NECAB1: variants seen among roughly 807,000 people sequenced by gnomAD.
The protein encoded by NECAB1 is N-terminal EF-hand calcium-binding protein 1.
Under a neutral mutation model 57.5 loss-of-function variants are expected in NECAB1, and 29 were observed. That is an observed-to-expected ratio of 0.50 (90% CI 0.38 to 0.69). The LOEUF is 0.69. NECAB1 is among the 30% of genes least tolerant of loss of function. The pLI, the probability that NECAB1 is intolerant of heterozygous loss-of-function variation, is 0.00. For synonymous variants in NECAB1, 142 were observed against 147.7 expected, an observed-to-expected ratio of 0.96 and a Z score of 0.28; for missense variants, 372 against 413.8, an observed-to-expected ratio of 0.90 and a Z score of 0.88.
At chr8:90,901,560 G>C (rs916018593) in intron 5 of NECAB1, among the ~76,000 whole-genome samples, 1 of 152,226 alleles carries the variant, frequency 6.6e-6, no homozygotes, top group African/African-American at 2.4e-5. Context: ...TAGCCGAGGA[G>C]AGCTATGTGG....
chr8:90,847,092 A>T (rs1812581237), intron 3 of NECAB1, among the ~76,000 whole-genome samples: 1 of 152,250 alleles, frequency 6.6e-6, no homozygotes, highest in South Asian at 2.1e-4. Context: ...AGACAAGACA[A>T]GTCCCTTCCA....
chr8:90,907,188 G>GAGAGAGAGAGA lies in NECAB1; in HGVS notation c.358-10303_358-10302insGAGAGAGAGAA, dbSNP rs370070496. ...AGAGAGAGAGAGAGAGAGAGAGAGA[G>GAGAGAGAGAGA]AATTAGTAGACTGCATTGTTTTAGC... On this transcript the variant is annotated intron_variant, in intron 5 of 12. Coordinates refer to ENST00000417640, the MANE Select transcript of NECAB1 (RefSeq NM_022351.5). 5.6e-3 allele frequency among the ~76,000 whole-genome samples: 801 copies of GAGAGAGAGAGA among 142,292 alleles called. 9 individuals carry two copies. Among genetic ancestry groups the GAGAGAGAGAGA allele is most frequent in the African/African-American group, 0.02 (701 of 34,490 alleles). The allele number at this position is 142,292 out of a possible 152,430, so 93.3% of individuals were successfully genotyped here. A position where few individuals can be genotyped will look rare whatever the true frequency, so the allele number is the denominator to read the frequency against.
At chr8:90,951,293 A>T in intron 12 of NECAB1, 89 bp downstream of exon 12, 3 of 691,612 alleles carry the variant, frequency 4.3e-6, no homozygotes, top group Non-Finnish European at 7.4e-6. Flanking sequence ...TTCCTTCTAT[A>T]TTTTATCAAT....
chr8:90,854,989 G>A (rs925782798), intron 3 of NECAB1, among the ~76,000 whole-genome samples: 10 of 152,202 alleles, frequency 6.6e-5, no homozygotes, highest in Admixed American at 3.3e-4. Context: ...TGTAAAAGGG[G>A]TGACAGAGTA....
At chr8:90,946,475 G>T (rs183972366) in intron 10 of NECAB1, among the ~76,000 whole-genome samples, 2 of 152,154 alleles carry the variant, frequency 1.3e-5, no homozygotes, top group African/African-American at 4.8e-5. Context: ...AGCACCTTCC[G>T]GTATCAAATA....
chr8:90,824,661 A>G, intron 2 of NECAB1, 56 bp from the exon 3 acceptor site: 1 of 1,191,442 alleles, frequency 8.4e-7, no homozygotes, highest in East Asian at 2.6e-5. Context: ...TAAAGCAAAA[A>G]CAGAACAATG....
At chr8:90,882,234 G>T (rs1808856022) in intron 5 of NECAB1, among the ~76,000 whole-genome samples, 2 of 152,178 alleles carry the variant, frequency 1.3e-5, no homozygotes, top group African/African-American at 4.8e-5. Flanking sequence ...AAAGATGAGT[G>T]AGTAGGCTAG....
chr8:90,958,335 G>A lies in NECAB1; in HGVS notation c.*2823G>A, dbSNP rs1049226020. 6.6e-6 allele frequency: 1 copy of A among 151,524 alleles called. No individual in the cohort carries two copies. Among genetic ancestry groups the A allele is most frequent in the Admixed American group, 6.6e-5 (1 of 15,150 alleles). The allele number at this position is 151,524 out of a possible 1,614,324, so 9.4% of individuals were successfully genotyped here. The stretch of plus-strand genomic sequence containing the variant: ...TATGGTCTGATTAGTGACATAAGTA[G>A]CAGCCGTTTTTCAACTTCAGTTTCA... On this transcript the variant is annotated 3_prime_UTR_variant, in exon 13 of 13. Transcript: ENST00000417640.
Position 90,951,179 on chromosome 8 carries a change from A to G in NECAB1, c.1005A>G (p.Glu335=). 5 of 1,599,548 alleles carry G rather than the reference A, an allele frequency of 3.1e-6. No individual in the cohort carries two copies. Among genetic ancestry groups the G allele is most frequent in the Non-Finnish European group, 4.3e-6 (5 of 1,170,788 alleles). ...ATGTGGATTTCTTGGAAACTCCAGA[A>G]CTCACATCTACAATGCTAGTTCCTG... ...RSNVDFLETP[E]LTSTMLVPAS... is the part of the protein sequence containing the mutation. The change falls in exon 12 of 13, where the codon GAA becomes GAG. Residue 335 remains glutamate, a synonymous_variant. Coordinates refer to ENST00000417640, the MANE Select transcript of NECAB1 (RefSeq NM_022351.5).
At chr8:90,845,343 A>G (rs1812535330) in intron 3 of NECAB1, among the ~76,000 whole-genome samples, 1 of 152,210 alleles carries the variant, frequency 6.6e-6, no homozygotes, top group African/African-American at 2.4e-5. Flanking sequence ...GTACAAGGAA[A>G]TAATAGCAGG....
At chr8:90,799,082 G>T (rs200550626) in intron 1 of NECAB1, among the ~76,000 whole-genome samples, 1 of 152,094 alleles carries the variant, frequency 6.6e-6, no homozygotes, top group South Asian at 2.1e-4. Context: ...TCGTATGTTT[G>T]TTGGCCACTT....
intron 10 of NECAB1, 33 bp from the exon 11 acceptor site, chr8:90,949,774 G>A: frequency 7.8e-7 from 1 of 1,289,380 alleles, no homozygotes; most frequent in East Asian, 2.4e-5. Flanking sequence ...TTAATTTCCA[G>A]TAGCTAATTA....
chr8:90,952,798 T>TAAAATAAAA (rs4041466), intron 12 of NECAB1, among the ~76,000 whole-genome samples: 13,590 of 138,158 alleles, frequency 0.098, 661 homozygotes, highest in African/African-American at 0.15. Flanking sequence ...AATAATAAAA[T>TAAAATAAAA]TAAAATAAAA....
intron 3 of NECAB1, among the ~76,000 whole-genome samples, chr8:90,848,739 C>T (rs533317749): frequency 2.0e-5 from 3 of 152,138 alleles, no homozygotes; most frequent in Non-Finnish European, 4.4e-5. Flanking sequence ...AATCCCAGCA[C>T]TTTGGGAGGC....
intron 4 of NECAB1, among the ~76,000 whole-genome samples, chr8:90,876,123 A>G (rs1455730677): frequency 1.3e-5 from 2 of 152,222 alleles, no homozygotes; most frequent in African/African-American, 2.4e-5. Flanking sequence ...GTAGCTGTGC[A>G]CTAAGCACCC....
At chr8:90,833,889 G>A (rs576132672) in intron 3 of NECAB1, among the ~76,000 whole-genome samples, 12 of 152,212 alleles carry the variant, frequency 7.9e-5, no homozygotes, top group Admixed American at 4.6e-4. Flanking sequence ...TCAGCCAGGC[G>A]TGGTGGCTCA....
At chr8:90,899,119 C>T (rs1047014042) in intron 5 of NECAB1, among the ~76,000 whole-genome samples, 4 of 152,140 alleles carry the variant, frequency 2.6e-5, no homozygotes, top group African/African-American at 4.8e-5. Context: ...GTGGGACGCC[C>T]GAGGGCAAAG....
chr8:90,906,891 A>ATATATATATATGTATATATATATGTG (rs1554574080), intron 5 of NECAB1, among the ~76,000 whole-genome samples: 3 of 113,414 alleles, frequency 2.6e-5, no homozygotes, highest in African/African-American at 1.2e-4. Flanking sequence ...ATATATATAT[A>ATATATATATATGTATATATATATGTG]TATATATATA....
chr8:90,829,829 G>A (rs994771567), intron 3 of NECAB1, among the ~76,000 whole-genome samples: 1 of 151,902 alleles, frequency 6.6e-6, no homozygotes, highest in Admixed American at 6.6e-5. Flanking sequence ...CTTCTACTTG[G>A]TTCTGCTCTG....
Sources: allele counts gnomAD v4.1 joint callset (sites outside exome capture counted in the v4.1 genomes callset), GRCh38; gene constraint gnomAD v4.1.1; transcripts MANE v1.5; gene names NCBI Gene and HGNC (gene_info 2026-07-23, HGNC 2026-07-21).